The following CATSPERE variants were observed in gnomAD, a reference collection of about 807,000 sequenced individuals.
The protein encoded by CATSPERE is cation channel sperm-associated auxiliary subunit epsilon.
Under a neutral mutation model 114.1 loss-of-function variants are expected in CATSPERE, and 93 were observed. The observed-to-expected ratio is 0.81, with a 90% CI of 0.69 to 0.97. The LOEUF is 0.97. Ranked by LOEUF, CATSPERE falls within the 50% of genes least tolerant of loss-of-function variation. The pLI is 0.00. For synonymous variants in CATSPERE, 341 were observed against 384.1 expected, an observed-to-expected ratio of 0.89 and a Z score of 1.31; for missense variants, 1,058 against 1,131.6, an observed-to-expected ratio of 0.93 and a Z score of 0.93.
Position 244,607,896 on chromosome 1 carries a change from A to C in CATSPERE, c.2403+2102A>C, listed in dbSNP as rs149330961. Among the ~76,000 whole-genome samples, 375 of 151,028 alleles carry C rather than the reference A, an allele frequency of 2.5e-3. 5 individuals are homozygous for C. The highest frequency in any genetic ancestry group is 0.014 in the East Asian group (70 of 4,990). On this transcript the variant is annotated intron_variant, in intron 18 of 21. Coordinates refer to ENST00000366534, the MANE Select transcript of CATSPERE (RefSeq NM_001130957.2). The surrounding 1 kb of genome is among the most constrained non-coding windows in gnomAD (Gnocchi z 4.4). ...TGGGAGGCTGAGGCAGGCCGATCAC[A>C]AGGTCAGGAGTTTGAGACTGACCAA...
intron 8 of CATSPERE, among the ~76,000 whole-genome samples, chr1:244,519,795 T>C (rs1231993286): frequency 2.0e-5 from 3 of 151,956 alleles, no homozygotes; most frequent in Non-Finnish European, 4.4e-5. Context: ...GACAAGAGTA[T>C]GACATGACAA....
intron 2 of CATSPERE, among the ~76,000 whole-genome samples, chr1:244,465,775 A>G (rs1366230215): frequency 2.0e-5 from 3 of 152,192 alleles, no homozygotes; most frequent in African/African-American, 7.2e-5. Context: ...TGAGATTTTG[A>G]TTGGGATTGC....
chr1:244,639,414 A>G (rs557530354), intron 21 of CATSPERE, among the ~76,000 whole-genome samples: 92 of 152,350 alleles, frequency 6.0e-4, no homozygotes, highest in African/African-American at 2.2e-3. Context: ...AGCTGGGTGC[A>G]GTGGCTCACG....
At chr1:244,484,701 A>G (rs539423496) in intron 5 of CATSPERE, among the ~76,000 whole-genome samples, 1 of 152,172 alleles carries the variant, frequency 6.6e-6, no homozygotes, top group South Asian at 2.1e-4. Flanking sequence ...GTCAATATTT[A>G]TTTGGATTTA....
At chr1:244,587,921 G>A (rs1667219400) in intron 13 of CATSPERE, among the ~76,000 whole-genome samples, 1 of 152,174 alleles carries the variant, frequency 6.6e-6, no homozygotes, top group South Asian at 2.1e-4. Flanking sequence ...TGAGCCAGGT[G>A]TGGTGGCTCC....
intron 6 of CATSPERE, among the ~76,000 whole-genome samples, chr1:244,497,909 AAAG>A (rs1673378852): frequency 2.0e-5 from 3 of 152,184 alleles, no homozygotes; most frequent in African/African-American, 4.8e-5. Flanking sequence ...GAACATGAGG[AAAG>A]AAGAACTCTC....
chr1:244,482,480 T>C (rs1266598175), intron 5 of CATSPERE, among the ~76,000 whole-genome samples: 3 of 152,076 alleles, frequency 2.0e-5, no homozygotes, highest in Non-Finnish European at 4.4e-5. Flanking sequence ...CTTGCATCTG[T>C]AGTTCCAACT....
intron 10 of CATSPERE, among the ~76,000 whole-genome samples, chr1:244,564,516 G>A (rs888867055): frequency 1.3e-5 from 2 of 152,172 alleles, no homozygotes; most frequent in Non-Finnish European, 2.9e-5. Context: ...TGTAGCAACT[G>A]TGAATGGCAG....
chr1:244,454,638 T>C (rs536484314), intron 1 of CATSPERE: 1 of 151,518 alleles, frequency 6.6e-6, no homozygotes, highest in South Asian at 2.1e-4. Flanking sequence ...CCGGACCGGT[T>C]TGTGGTCTCT....
chr1:244,570,302 G>C (rs1006845261), intron 10 of CATSPERE, among the ~76,000 whole-genome samples: 1 of 151,844 alleles, frequency 6.6e-6, no homozygotes, highest in Non-Finnish European at 1.5e-5. Context: ...TATTGCTTGT[G>C]CCTAACCCCC....
chr1:244,547,793 C>T, intron 8 of CATSPERE, among the ~76,000 whole-genome samples: 1 of 151,752 alleles, frequency 6.6e-6, no homozygotes, highest in South Asian at 2.1e-4. Flanking sequence ...AACTAAAAAA[C>T]AATTTTAAAA....
At chr1:244,542,518 T>C (rs1174339467) in intron 8 of CATSPERE, among the ~76,000 whole-genome samples, 1 of 152,134 alleles carries the variant, frequency 6.6e-6, no homozygotes, top group Non-Finnish European at 1.5e-5. Flanking sequence ...GTCTATTATT[T>C]CCATCTTTAT....
intron 17 of CATSPERE, among the ~76,000 whole-genome samples, chr1:244,599,219 A>C (rs748691889): frequency 7.2e-5 from 11 of 152,158 alleles, no homozygotes; most frequent in Non-Finnish European, 1.2e-4. Flanking sequence ...TGAACCCCAG[A>C]CTGACACCTC....
chr1:244,563,649 G>A (rs2148542104), intron 10 of CATSPERE, among the ~76,000 whole-genome samples: 1 of 152,270 alleles, frequency 6.6e-6, no homozygotes, highest in Non-Finnish European at 1.5e-5. Flanking sequence ...TGTAGATTCT[G>A]GATATTAGCC....
chr1:244,550,231 A>G (rs1346883150), intron 8 of CATSPERE, among the ~76,000 whole-genome samples: 1 of 152,168 alleles, frequency 6.6e-6, no homozygotes, highest in Non-Finnish European at 1.5e-5. Context: ...TTCCATAATC[A>G]TGTGAAAGGC....
At position 244,462,656 on chromosome 1, in the gene CATSPERE, A is replaced by G. The variant is rs141831272; in HGVS notation, c.65+1162A>G. Among the ~76,000 whole-genome samples the G allele has an allele frequency of 4.6e-5, 7 of 152,332 alleles. No individual in the cohort carries two copies. In the East Asian group the frequency reaches 1.3e-3, roughly 29 times the overall value. On this transcript the variant is annotated intron_variant, in intron 1 of 21. Transcript: ENST00000366534. ...ACTTCAAAAAAAGCCTTTGATGACAATAGATTTCATTTTTATTTATAGGTA... is the reference window on the plus strand; with the variant it reads ...ACTTCAAAAAAAGCCTTTGATGACAGTAGATTTCATTTTTATTTATAGGTA...
chr1:244,516,396 G>A lies in CATSPERE; in HGVS notation c.430-2196G>A, dbSNP rs577562778. Among the ~76,000 whole-genome samples, 121 of 152,250 alleles carry A rather than the reference G, an allele frequency of 7.9e-4. 1 individual carries two copies. The highest frequency in any genetic ancestry group is 2.8e-3 in the African/African-American group (117 of 41,544). On this transcript the variant is annotated intron_variant, in intron 7 of 21. Transcript: ENST00000366534. ...GGGGTCTCACTCTTTTACCCAGGCT[G>A]GAGTGTAGTAGTGTGATTATAGCTC...
At position 244,463,923 on chromosome 1, in the gene CATSPERE, C is replaced by T. The variant is rs1329607169; in HGVS notation, c.81C>T (p.Ser27=). Residue 27 remains serine (S), a synonymous_variant, in exon 2 of 22, where the codon AGC becomes AGT. Transcript: ENST00000366534. ...TCCTCCACAGGTATTCCACTAACAG[C>T]CCAAACTATCGCATTTTTAGTACCA... The part of the protein sequence containing the change: ...GSALWRYSTN[S]PNYRIFSTRS... 1 of 1,601,200 alleles carries T rather than the reference C, an allele frequency of 6.2e-7. No homozygotes were observed. The highest frequency in any genetic ancestry group is 1.1e-5 in the South Asian group (1 of 90,646).
chr1:244,531,518 A>T (rs1177506924), intron 8 of CATSPERE, among the ~76,000 whole-genome samples: 1 of 147,308 alleles, frequency 6.8e-6, no homozygotes, highest in East Asian at 1.9e-4. Context: ...CCCAGTTTTT[A>T]AAATTTTTTT....
Sources: allele counts gnomAD v4.1 joint callset (sites outside exome capture counted in the v4.1 genomes callset), GRCh38; gene constraint gnomAD v4.1.1; non-coding constraint Gnocchi (gnomAD v3.1); transcripts MANE v1.5; gene names NCBI Gene and HGNC (gene_info 2026-07-23, HGNC 2026-07-21).